The following THSD7B variants were observed in gnomAD, a reference collection of about 807,000 sequenced individuals.
The protein encoded by THSD7B is thrombospondin type-1 domain-containing protein 7B.
Under a neutral mutation model 213.6 loss-of-function variants are expected in THSD7B, and 138 were observed. That is an observed-to-expected ratio of 0.65 (90% CI 0.56 to 0.74). THSD7B has a LOEUF of 0.74. Ranked by LOEUF, THSD7B falls within the 30% of genes least tolerant of loss-of-function variation. The pLI is 0.00. For synonymous variants in THSD7B, 742 were observed against 687.0 expected (o/e 1.08, Z -1.25); for missense variants, 1,931 against 1,991.5 (o/e 0.97, Z 0.58).
chr2:137,146,576 C>T (rs1451623188), intron 5 of THSD7B, among the ~76,000 whole-genome samples: 2 of 152,048 alleles, frequency 1.3e-5, no homozygotes, highest in African/African-American at 2.4e-5. Context: ...TTGTATGTTG[C>T]TTAGTACATC....
chr2:137,355,882 G>T (rs1426914132), intron 12 of THSD7B, among the ~76,000 whole-genome samples: 1 of 152,184 alleles, frequency 6.6e-6, no homozygotes, highest in Non-Finnish European at 1.5e-5. Flanking sequence ...TGTAAAGCTA[G>T]GCTAACGCTA....
chr2:136,870,925 G>A (rs1176240170), intron 1 of THSD7B, among the ~76,000 whole-genome samples: 1 of 152,212 alleles, frequency 6.6e-6, no homozygotes, highest in Non-Finnish European at 1.5e-5. Context: ...AAGGGTGGAA[G>A]CAGAAAAGCC....
chr2:137,493,577 A>C (rs1457650780), intron 15 of THSD7B, among the ~76,000 whole-genome samples: 1 of 152,226 alleles, frequency 6.6e-6, no homozygotes, highest in Non-Finnish European at 1.5e-5. Flanking sequence ...ATCATCTTCA[A>C]GTAAAAGAAT....
chr2:137,055,285 G>A (rs62171230), intron 2 of THSD7B, among the ~76,000 whole-genome samples: 13,346 of 152,048 alleles, frequency 0.088, 711 homozygotes, highest in East Asian at 0.17. Context: ...ATAATCCTTT[G>A]GGATCAATCC....
chr2:137,383,256 G>A (rs1287592732), intron 12 of THSD7B, among the ~76,000 whole-genome samples: 1 of 152,160 alleles, frequency 6.6e-6, no homozygotes. Context: ...TAAAAACTTG[G>A]CTTAATGTAT....
At position 137,160,296 on chromosome 2, in the gene THSD7B, T is replaced by C. The variant is rs973371106; in HGVS notation, c.1453T>C (p.Cys485Arg). 3.1e-6 allele frequency: 5 copies of C among 1,613,592 alleles called. No individual in the cohort carries two copies. Among genetic ancestry groups the C allele is most frequent in the Admixed American group, 1.7e-5 (1 of 59,966 alleles). The change falls in exon 6 of 28, where the codon TGC becomes CGC. Residue 485 changes from cysteine to arginine, a missense_variant. Cys to Arg is a radical substitution (Grantham distance 180). Coordinates refer to ENST00000409968, the MANE Select transcript of THSD7B (RefSeq NM_001316349.2). ...CTGCAATATCCCTTGCTCTACGGAC[T>C]GCATAGTATCTTCCTGGTCAGCCTG... is the stretch of plus-strand genomic sequence containing the variant. Reference protein sequence around the residue: ...QLCNIPCSTDCIVSSWSAWGL... With the variant: ...QLCNIPCSTDRIVSSWSAWGL...
intron 17 of THSD7B, among the ~76,000 whole-genome samples, chr2:137,579,706 T>C (rs1449027769): frequency 6.6e-6 from 1 of 152,108 alleles, no homozygotes; most frequent in African/African-American, 2.4e-5. Flanking sequence ...GGCTATAGAG[T>C]CCAAATCAAG....
At chr2:137,660,945 C>A (rs1214599780) in intron 25 of THSD7B, among the ~76,000 whole-genome samples, 2 of 152,030 alleles carry the variant, frequency 1.3e-5, no homozygotes, top group Non-Finnish European at 2.9e-5. Flanking sequence ...GCTTTGTTTA[C>A]TTTTAGTATC....
intron 15 of THSD7B, among the ~76,000 whole-genome samples, chr2:137,465,997 G>A (rs1310099135): frequency 6.6e-6 from 1 of 152,026 alleles, no homozygotes; most frequent in Non-Finnish European, 1.5e-5. Context: ...GGCACGATAT[G>A]GTGGTAAATA....
At chr2:137,063,145 C>T (rs1011775006) in intron 3 of THSD7B, among the ~76,000 whole-genome samples, 42 of 151,364 alleles carry the variant, frequency 2.8e-4, no homozygotes, top group African/African-American at 9.0e-4. Flanking sequence ...TTGATTAATG[C>T]TAGCATAGTA....
intron 1 of THSD7B, among the ~76,000 whole-genome samples, chr2:136,881,850 T>C (rs1683629228): frequency 6.6e-6 from 1 of 152,116 alleles, no homozygotes; most frequent in African/African-American, 2.4e-5. Flanking sequence ...ACATTGATCT[T>C]TTTTTACCAA....
intron 14 of THSD7B, among the ~76,000 whole-genome samples, chr2:137,435,855 A>G (rs1687279022): frequency 6.6e-6 from 1 of 152,110 alleles, no homozygotes; most frequent in African/African-American, 2.4e-5. Flanking sequence ...TCTGTTGTTC[A>G]GGTGACTCTG....
chr2:137,212,882 G>A (rs1400920390), intron 7 of THSD7B, among the ~76,000 whole-genome samples: 1 of 151,972 alleles, frequency 6.6e-6, no homozygotes, highest in Non-Finnish European at 1.5e-5. Context: ...TTATGGATCA[G>A]GAATCAAAGT....
intron 17 of THSD7B, among the ~76,000 whole-genome samples, chr2:137,606,148 A>T (rs1392472430): frequency 1.3e-5 from 2 of 152,152 alleles, no homozygotes; most frequent in Non-Finnish European, 2.9e-5. Flanking sequence ...ATCTTTCAGG[A>T]AGAGAATGTT....
intron 17 of THSD7B, among the ~76,000 whole-genome samples, chr2:137,577,779 C>G (rs974903827): frequency 1.3e-5 from 2 of 152,102 alleles, no homozygotes; most frequent in Non-Finnish European, 2.9e-5. Context: ...CCTAACAACA[C>G]TTTTCTACAC....
intron 1 of THSD7B, among the ~76,000 whole-genome samples, chr2:136,810,459 C>T (rs1478437455): frequency 6.6e-6 from 1 of 152,212 alleles, no homozygotes; most frequent in African/African-American, 2.4e-5. Context: ...GGTAGTTCAT[C>T]TCCCTCTCCC....
At chr2:137,375,739 A>G (rs540008400) in intron 12 of THSD7B, among the ~76,000 whole-genome samples, 1 of 152,348 alleles carries the variant, frequency 6.6e-6, no homozygotes, top group East Asian at 1.9e-4. Context: ...CGTGGTCTCC[A>G]GAGAAACCAA....
intron 1 of THSD7B, among the ~76,000 whole-genome samples, chr2:136,842,816 A>G (rs2104956820): frequency 6.6e-6 from 1 of 152,308 alleles, no homozygotes; most frequent in East Asian, 1.9e-4. Flanking sequence ...CTTAATCTTT[A>G]TAGATCTCTG....
chr2:137,069,645 A>G (rs1213636074), intron 3 of THSD7B, among the ~76,000 whole-genome samples: 2 of 151,984 alleles, frequency 1.3e-5, no homozygotes, highest in African/African-American at 4.8e-5. Context: ...TTAAAAAGCC[A>G]TCATCTCTAA....
Sources: allele counts gnomAD v4.1 joint callset (sites outside exome capture counted in the v4.1 genomes callset), GRCh38; gene constraint gnomAD v4.1.1; transcripts MANE v1.5; gene names NCBI Gene and HGNC (gene_info 2026-07-23, HGNC 2026-07-21).